ZDHHC24: variants seen among roughly 807,000 people sequenced by gnomAD.
ZDHHC24 encodes zDHHC palmitoyltransferase 24.
ZDHHC24 carries 17 observed loss-of-function variants against 23.2 expected under a neutral mutation model. The ratio of observed to expected loss-of-function variants is 0.73; its 90% CI spans 0.50 to 1.10. The LOEUF is 1.10. Ranked by LOEUF, ZDHHC24 falls within the 50% of genes least tolerant of loss-of-function variation. The pLI, the probability that ZDHHC24 is intolerant of heterozygous loss-of-function variation, is 0.00. For synonymous variants in ZDHHC24, 186 were observed against 194.5 expected (o/e 0.96, Z 0.36); for missense variants, 366 against 393.0 (o/e 0.93, Z 0.58).
intron 4 of ZDHHC24, chr11:66,526,265 G>A: frequency 6.8e-7 from 1 of 1,464,440 alleles, no homozygotes; most frequent in Non-Finnish European, 9.6e-7. Context: ...GGGGAAAGAG[G>A]AGGAGGTGGA....
Position 66,536,564 on chromosome 11 carries a change from A to G in ZDHHC24, c.*2965T>C, listed in dbSNP as rs1028186534. On this transcript the variant is annotated 3_prime_UTR_variant, in exon 3 of 3. Transcript: ENST00000310442. ...CTCGAAAAATAAAACAAAACACACA[A>G]AAAAACATGAAAATAAGATATTGTG... is the stretch of plus-strand genomic sequence containing the variant. 2.0e-5 allele frequency: 3 copies of G among 153,246 alleles called. No homozygotes were observed. Among genetic ancestry groups the G allele is most frequent in the Non-Finnish European group, 4.4e-5 (3 of 67,900 alleles). The allele number at this position is 153,246 out of a possible 1,614,324, so 9.5% of individuals were successfully genotyped here.
chr11:66,522,201 G>A (rs997867806), intron 4 of ZDHHC24, among the ~76,000 whole-genome samples: 1 of 151,366 alleles, frequency 6.6e-6, no homozygotes, highest in African/African-American at 2.4e-5. Context: ...TGGGCACAGA[G>A]CGAGACTCTG....
At chr11:66,520,894 C>T (rs145374911), downstream of ZDHHC24, 8 of 337,928 alleles carry the variant, frequency 2.4e-5, no homozygotes, top group African/African-American at 1.7e-4. Context: ...AAGTTTTGTA[C>T]TTTTGGTAGA....
chr11:66,529,979 A>G, intron 2 of ZDHHC24: 17 of 1,587,556 alleles, frequency 1.1e-5, no homozygotes, highest in Non-Finnish European at 1.4e-5. Context: ...GGGCAGAGTC[A>G]GGGCCAGAGG....
chr11:66,526,873 G>A (rs1170961682), intron 4 of ZDHHC24: 3 of 1,613,128 alleles, frequency 1.9e-6, no homozygotes, highest in African/African-American at 2.7e-5. Flanking sequence ...AAAGCTGGGG[G>A]AATGCTGCCC....
intron 4 of ZDHHC24, chr11:66,523,354 T>C: frequency 6.5e-7 from 1 of 1,529,598 alleles, no homozygotes; most frequent in Non-Finnish European, 9.1e-7. Flanking sequence ...TTGGGGCCAG[T>C]GTTCCTCCCA....
Position 66,539,665 on chromosome 11 carries a change from C to G in ZDHHC24, c.719G>C (p.Gly240Ala). ...WARGQHSYDL[G>A]PCHNLQAALG... ...GGCTGCCTGCAGGTTGTGGCAGGGA[C>G]CCAGGTCATAGGAGTGCTGGCCCCG... Residue 240 changes from glycine to alanine, a missense_variant, in exon 3 of 3, where the codon GGT (glycine) becomes GCT (alanine). Gly to Ala is a moderately conservative substitution (Grantham distance 60). Transcript: ENST00000310442. 6.2e-7 allele frequency: 1 copy of G among 1,611,292 alleles called. No individual in the cohort carries two copies. Among genetic ancestry groups the G allele is most frequent in the Non-Finnish European group, 8.5e-7 (1 of 1,179,522 alleles).
intron 2 of ZDHHC24, chr11:66,529,991 G>A: frequency 1.3e-6 from 2 of 1,578,138 alleles, no homozygotes; most frequent in Non-Finnish European, 8.6e-7. Context: ...GGCCAGAGGG[G>A]CAGAGGCCAG....
In ZDHHC24 at chr11:66,545,800, G is replaced by A. The variant is rs1201782309; in HGVS notation, c.204C>T (p.Asn68=). The change falls in exon 1 of 3, where the codon AAC becomes AAT. Residue 68 remains asparagine (N), a synonymous_variant. Coordinates refer to ENST00000310442, the MANE Select transcript of ZDHHC24 (RefSeq NM_207340.3). This position sits in a 1 kb window ranked among gnomAD's most constrained non-coding sequence, Gnocchi z 4.5. The part of the protein sequence containing the change: ...AAFQLLNLLG[N]VGLFLRSDPS... ...GATCCGAGCGCAGGAAGAGCCCCACGTTGCCCAGCAGGTTGAGCAGCTGGA... is the reference window on the plus strand; with the variant it reads ...GATCCGAGCGCAGGAAGAGCCCCACATTGCCCAGCAGGTTGAGCAGCTGGA... The A allele has an allele frequency of 1.3e-6, 2 of 1,585,226 alleles. No homozygotes were observed. The highest frequency in any genetic ancestry group is 1.1e-5 in the South Asian group (1 of 88,510).
intron 4 of ZDHHC24, among the ~76,000 whole-genome samples, chr11:66,522,221 A>G (rs1373451361): frequency 2.0e-5 from 3 of 152,122 alleles, no homozygotes; most frequent in African/African-American, 7.2e-5. Flanking sequence ...GTCTCAAAAA[A>G]AAAGAAAAGG....
At chr11:66,523,356 T>C in intron 4 of ZDHHC24, 1 of 1,541,962 alleles carries the variant, frequency 6.5e-7, no homozygotes, top group Non-Finnish European at 9.0e-7. Context: ...GGGGCCAGTG[T>C]TCCTCCCAGG....
chr11:66,523,926 T>C, intron 4 of ZDHHC24: 1 of 1,608,866 alleles, frequency 6.2e-7, no homozygotes. Context: ...CTCCTTGCCC[T>C]CGTCTCACCT....
In ZDHHC24 at chr11:66,539,689, C is replaced by T. The variant is rs1339011456; in HGVS notation, c.695G>A (p.Arg232Gln). Residue 232 changes from arginine to glutamine, a missense_variant, in exon 3 of 3, where the codon CGG (arginine) becomes CAG (glutamine). Coordinates refer to ENST00000310442, the MANE Select transcript of ZDHHC24 (RefSeq NM_207340.3). ...ACCCAGGTCATAGGAGTGCTGGCCC[C>T]GAGCCCACTCCCATGTGGTCTGGCC... ...LRGQTTWEWA[R>Q]GQHSYDLGPC... 3.7e-6 allele frequency: 6 copies of T among 1,611,518 alleles called. No homozygotes were observed. In the African/African-American group the frequency reaches 4.0e-5, roughly 11 times the overall value.
intron 4 of ZDHHC24, among the ~76,000 whole-genome samples, chr11:66,521,786 C>T (rs539668405): frequency 1.3e-5 from 2 of 151,180 alleles, no homozygotes; most frequent in East Asian, 3.9e-4. Context: ...ATGCCTCTAG[C>T]CCCAGCTACT....
At position 66,539,819 on chromosome 11, in the gene ZDHHC24, C is replaced by A. The variant is rs764162270; in HGVS notation, c.565G>T (p.Val189Leu). 6.3e-7 allele frequency: 1 copy of A among 1,596,682 alleles called. No homozygotes were observed. The highest frequency in any genetic ancestry group is 8.5e-7 in the Non-Finnish European group (1 of 1,170,148). ...GCCAAGGCAAACTGTGCCAGAGACA[C>A]TCTGCCTGCAATAAAAGAGCAGAGA... is the stretch of plus-strand genomic sequence containing the variant. ...LPWLMLLTGR[V>L]SLAQFALAFV... The change falls in exon 3 of 3, where the codon GTG (valine) becomes TTG (leucine). Residue 189 changes from valine (V) to leucine (L), a missense_variant. Val to Leu is a conservative substitution (Grantham distance 32). Coordinates refer to ENST00000310442, the MANE Select transcript of ZDHHC24 (RefSeq NM_207340.3).
chr11:66,544,719 A>T lies in ZDHHC24; in HGVS notation c.282-738T>A, dbSNP rs77132921. Among the ~76,000 whole-genome samples, 1,437 of 152,216 alleles carry T rather than the reference A, an allele frequency of 9.4e-3. 22 individuals are homozygous for T. Among genetic ancestry groups the T allele is most frequent in the African/African-American group, 0.032 (1,310 of 41,530 alleles). On this transcript the variant is annotated intron_variant, in intron 1 of 2. Transcript: ENST00000310442. ...ATGTATATTATTTTAAAAATTAATT[A>T]AAAAAAATTTTTAGGGACAGAGTCT...
intron 2 of ZDHHC24, chr11:66,530,091 C>CTCGGTCCCCAGGT: frequency 2.4e-6 from 3 of 1,255,834 alleles, no homozygotes; most frequent in Non-Finnish European, 3.3e-6. Flanking sequence ...TTCCCGCAGA[C>CTCGGTCCCCAGGT]CTGGGGACCG....
At chr11:66,526,537 A>T in intron 4 of ZDHHC24, 1 of 1,333,358 alleles carries the variant, frequency 7.5e-7, no homozygotes, top group Non-Finnish European at 1.1e-6. Flanking sequence ...CGTCTGGAAG[A>T]CGGATGTGTA....
chr11:66,543,247 C>G (rs1452787891), intron 2 of ZDHHC24, among the ~76,000 whole-genome samples: 1 of 152,084 alleles, frequency 6.6e-6, no homozygotes, highest in East Asian at 1.9e-4. Context: ...TCCTGCCTGT[C>G]ACTTTCACTG....
Sources: allele counts gnomAD v4.1 joint callset (sites outside exome capture counted in the v4.1 genomes callset), GRCh38; gene constraint gnomAD v4.1.1; non-coding constraint Gnocchi (gnomAD v3.1); transcripts MANE v1.5; gene names NCBI Gene and HGNC (gene_info 2026-07-23, HGNC 2026-07-21).